The following GOLGA2 variants were observed in gnomAD, a reference collection of about 807,000 sequenced individuals.
GOLGA2 encodes golgin A2, also known as golgin subfamily A member 2.
A neutral mutation model predicts 148.8 loss-of-function variants in GOLGA2; 49 were observed. The observed-to-expected ratio is 0.33, with a 90% CI of 0.26 to 0.42. GOLGA2 has a LOEUF of 0.42. Among genes scored for constraint, GOLGA2 ranks in the 10% least tolerant of loss-of-function variants. GOLGA2 has a pLI of 1.00. For synonymous variants in GOLGA2, 501 were observed against 511.8 expected, an observed-to-expected ratio of 0.98 and a Z score of 0.28; for missense variants, 1,178 against 1,304.6, an observed-to-expected ratio of 0.90 and a Z score of 1.49.
rs543326473 is a variant in GOLGA2 at position 128,258,073 on chromosome 9, C to T, written c.2415G>A (p.Glu805=). Residue 805 remains glutamate (E), a synonymous_variant, in exon 23 of 27, where the codon GAG becomes GAA. Transcript: ENST00000611957. This position sits in a 1 kb window ranked among gnomAD's most constrained non-coding sequence, Gnocchi z 6.6. ...LAHLLASAQK[E]PEAAAPAPGT... is the part of the protein sequence containing the mutation. ...CTGGGGCTGGGGCTGCTGCCTCAGG[C>T]TCCTTCTGGGCCGAGGCCAGCAGGT... 1 of 1,611,258 alleles carries T rather than the reference C, an allele frequency of 6.2e-7. No individual in the cohort carries two copies. The highest frequency in any genetic ancestry group is 1.1e-5 in the South Asian group (1 of 91,034).
At chr9:128,270,195 G>A (rs1381907231) in intron 3 of GOLGA2, among the ~76,000 whole-genome samples, 2 of 149,002 alleles carry the variant, frequency 1.3e-5, no homozygotes, top group Non-Finnish European at 3.0e-5. Flanking sequence ...GTGTAGTGGC[G>A]AGATCTCCAC....
chr9:128,275,981 G>T lies in GOLGA2; in HGVS notation c.-5C>A. 6.3e-7 allele frequency: 1 copy of T among 1,599,192 alleles called. No homozygotes were observed. Among genetic ancestry groups the T allele is most frequent in the Non-Finnish European group, 8.5e-7 (1 of 1,171,936 alleles). ...GAGGCGGGGTTGGGGCCACATCAGCGCGATCCCGGCAACCACTGCGGAAGT... is the reference window on the plus strand; with the variant it reads ...GAGGCGGGGTTGGGGCCACATCAGCTCGATCCCGGCAACCACTGCGGAAGT... On this transcript the variant is annotated 5_prime_UTR_variant, in exon 1 of 27. Coordinates refer to ENST00000611957, the MANE Select transcript of GOLGA2 (RefSeq NM_001366244.2).
At chr9:128,268,958 C>T (rs1320957797) in intron 3 of GOLGA2, among the ~76,000 whole-genome samples, 2 of 152,148 alleles carry the variant, frequency 1.3e-5, no homozygotes, top group Admixed American at 6.5e-5. Context: ...GTTGTCTGGG[C>T]AATGCACAAT....
In GOLGA2 at chr9:128,259,152, C is replaced by T. The variant is rs373294606; in HGVS notation, c.2097+15G>A. The stretch of plus-strand genomic sequence containing the variant: ...GTTGTCCCCCTCGGGGCCCTGCCCT[C>T]ACCAACTCCCTCACCTGGGTTTCCT... On this transcript the variant is annotated intron_variant, in intron 20 of 26. Coordinates refer to ENST00000611957, the MANE Select transcript of GOLGA2 (RefSeq NM_001366244.2). The T allele has an allele frequency of 1.0e-4, 167 of 1,604,094 alleles. No individual in the cohort carries two copies. In the African/African-American group the frequency reaches 2.1e-3, roughly 20 times the overall value.
At position 128,272,385 on chromosome 9, in the gene GOLGA2, G is replaced by C. The variant is rs1039056394; in HGVS notation, c.288+400C>G. ...TGTAATCCCAGCTACTCAGGAGGCTGAGGCAGGAGAAACACTTGAACCCAG... is the reference window on the plus strand; with the variant it reads ...TGTAATCCCAGCTACTCAGGAGGCTCAGGCAGGAGAAACACTTGAACCCAG... On this transcript the variant is annotated intron_variant, in intron 3 of 26. Transcript: ENST00000611957. Among the ~76,000 whole-genome samples the C allele has an allele frequency of 4.0e-5, 6 of 151,868 alleles. No individual in the cohort carries two copies. The South Asian group carries it at 1.2e-3, about 31-fold the overall frequency.
chr9:128,256,007 G>A lies in GOLGA2; in HGVS notation c.*1060C>T, dbSNP rs1829836991. ...ATGTGCCAGCTCCAACCTCTGCTAG[G>A]TATGATACAGGGGGCGGCCCTACCC... On this transcript the variant is annotated 3_prime_UTR_variant, in exon 27 of 27. Coordinates refer to ENST00000611957, the MANE Select transcript of GOLGA2 (RefSeq NM_001366244.2). 6.6e-6 allele frequency: 1 copy of A among 152,652 alleles called. No homozygotes were observed. The highest frequency in any genetic ancestry group is 6.5e-5 in the Admixed American group (1 of 15,280). The allele number at this position is 152,652 out of a possible 1,614,324, so 9.5% of individuals were successfully genotyped here.
At chr9:128,268,196 T>G (rs755567525) in intron 4 of GOLGA2, 36 bp from the exon 5 acceptor site, 3 of 1,584,106 alleles carry the variant, frequency 1.9e-6, no homozygotes, top group Non-Finnish European at 2.6e-6. Flanking sequence ...GGTCATTCAA[T>G]TTCTGGTAAG....
Position 128,260,016 on chromosome 9 carries a change from C to G in GOLGA2, c.1872+60G>C. 8.2e-7 allele frequency: 1 copy of G among 1,223,638 alleles called. No homozygotes were observed. The highest frequency in any genetic ancestry group is 1.2e-6 in the Non-Finnish European group (1 of 835,536). 75.8% of individuals were successfully genotyped at this position (1,223,638 alleles called of 1,614,324 possible). On this transcript the variant is annotated intron_variant, in intron 19 of 26. Transcript: ENST00000611957. This position sits in a 1 kb window ranked among gnomAD's most constrained non-coding sequence, Gnocchi z 4.8. Reference sequence around the variant, plus strand: ...GGCTGGAGCTGCCTCTGGCCTCACACCACCCCTCCCCAGAGGCTGGTGCCC... The same window carrying G: ...GGCTGGAGCTGCCTCTGGCCTCACAGCACCCCTCCCCAGAGGCTGGTGCCC...
chr9:128,259,306 T>A lies in GOLGA2; in HGVS notation c.1958A>T (p.Tyr653Phe). The A allele has an allele frequency of 6.2e-7, 1 of 1,611,584 alleles. No homozygotes were observed. The highest frequency in any genetic ancestry group is 8.5e-7 in the Non-Finnish European group (1 of 1,179,444). Residue 653 changes from tyrosine to phenylalanine, a missense_variant, in exon 20 of 27, where the codon TAT becomes TTT. Around this residue, in one of 5 missense-constraint regions of GOLGA2, gnomAD observed 529 missense variants for 521.8 expected, o/e 1.01. Transcript: ENST00000611957. ...CTCCTTCTCAGAGGTCAGCTGCTGA[T>A]AGGCGGCCACATACTGCTGCAGGTG... ...LGHLQQYVAA[Y>F]QQLTSEKEVL... is the part of the protein sequence containing the mutation.
In GOLGA2 at chr9:128,259,323, C is replaced by T. The variant is rs771357451; in HGVS notation, c.1941G>A (p.Gln647=). The T allele has an allele frequency of 1.2e-6, 2 of 1,610,244 alleles. No homozygotes were observed. The highest frequency in any genetic ancestry group is 1.1e-5 in the South Asian group (1 of 90,630). The change falls in exon 20 of 27, where the codon CAG becomes CAA. Residue 647 remains glutamine (Q), a synonymous_variant. Transcript: ENST00000611957. The part of the protein sequence containing the change: ...QQRDQYLGHL[Q]QYVAAYQQLT... ...GCTGCTGATAGGCGGCCACATACTG[C>T]TGCAGGTGTCCCAGGTACTGGTCTC...
intron 1 of GOLGA2, chr9:128,275,304 G>A (rs997601110): frequency 1.2e-6 from 1 of 825,144 alleles, no homozygotes; most frequent in Non-Finnish European, 1.7e-6. Flanking sequence ...TAAGATCAAA[G>A]ACTGGTCTCG....
rs1363891180 is a variant in GOLGA2 at position 128,259,338 on chromosome 9, G to A, written c.1926C>T (p.Tyr642=). The part of the protein sequence containing the change: ...AQSLQQQRDQ[Y]LGHLQQYVAA... ...CCACATACTGCTGCAGGTGTCCCAG[G>A]TACTGGTCTCGCTGCTGCTGCAGAC... Residue 642 remains tyrosine, a synonymous_variant, in exon 20 of 27, where the codon TAC becomes TAT. Coordinates refer to ENST00000611957, the MANE Select transcript of GOLGA2 (RefSeq NM_001366244.2). 2 of 1,608,638 alleles carry A rather than the reference G, an allele frequency of 1.2e-6. No homozygotes were observed. Among genetic ancestry groups the A allele is most frequent in the Non-Finnish European group, 8.5e-7 (1 of 1,178,138 alleles).
rs566112893 is a variant in GOLGA2 at position 128,262,033 on chromosome 9, G to A, written c.1135-276C>T. The stretch of plus-strand genomic sequence containing the variant: ...AACCTCGGCAACATGGCAAAGCCCC[G>A]TATCTACAAATACAAAAATTAGCCA... On this transcript the variant is annotated intron_variant, in intron 14 of 26. Transcript: ENST00000611957. The A allele has an allele frequency of 2.2e-4, 92 of 421,040 alleles. 2 individuals carry two copies. In the East Asian group the frequency reaches 3.5e-3, roughly 16 times the overall value. 26.1% of individuals were successfully genotyped at this position (421,040 alleles called of 1,614,324 possible).
Position 128,275,981 on chromosome 9 carries a change from G to A in GOLGA2, c.-5C>T, listed in dbSNP as rs781640307. Reference sequence around the variant, plus strand: ...GAGGCGGGGTTGGGGCCACATCAGCGCGATCCCGGCAACCACTGCGGAAGT... The same window carrying A: ...GAGGCGGGGTTGGGGCCACATCAGCACGATCCCGGCAACCACTGCGGAAGT... On this transcript the variant is annotated 5_prime_UTR_variant, in exon 1 of 27. Coordinates refer to ENST00000611957, the MANE Select transcript of GOLGA2 (RefSeq NM_001366244.2). The A allele has an allele frequency of 6.3e-7, 1 of 1,599,190 alleles. No individual in the cohort carries two copies. Among genetic ancestry groups the A allele is most frequent in the Non-Finnish European group, 8.5e-7 (1 of 1,171,936 alleles).
At chr9:128,272,052 A>AC (rs1316915152) in intron 3 of GOLGA2, among the ~76,000 whole-genome samples, 4 of 151,726 alleles carry the variant, frequency 2.6e-5, no homozygotes, top group East Asian at 1.9e-4. Context: ...AAAAAAAAAA[A>AC]AAAACACTAA....
chr9:128,263,083 CCTT>C lies in GOLGA2; in HGVS notation c.940_942del (p.Lys314del). On this transcript the variant is annotated inframe_deletion, in exon 13 of 27. Coordinates refer to ENST00000611957, the MANE Select transcript of GOLGA2 (RefSeq NM_001366244.2). ...AGGGCGTCTCTCTCTTTGGTTAACT[CCTT>C]GTTGTACTGTAAATACAGAAAGGTT... 1 of 1,606,288 alleles carries C rather than the reference CCTT, an allele frequency of 6.2e-7. No homozygotes were observed. The highest frequency in any genetic ancestry group is 1.1e-5 in the South Asian group (1 of 90,910).
rs200805737 is a variant in GOLGA2 at position 128,257,711 on chromosome 9, C to T, written c.2612-4G>A. 3.7e-6 allele frequency: 6 copies of T among 1,613,472 alleles called. No homozygotes were observed. Among genetic ancestry groups the T allele is most frequent in the Middle Eastern group, 1.7e-4 (1 of 6,060 alleles). ...TGGTACAGTGCAATGTACTCTCCTG[C>T]GGGAGGACAGGGCTCAGATGCTGGG... On this transcript the variant is annotated splice_region_variant and splice_polypyrimidine_tract_variant and intron_variant, in intron 24 of 26. Coordinates refer to ENST00000611957, the MANE Select transcript of GOLGA2 (RefSeq NM_001366244.2). The surrounding 1 kb of genome is among the most constrained non-coding windows in gnomAD (Gnocchi z 8.0).
chr9:128,272,060 T>C (rs1434428288), intron 3 of GOLGA2, among the ~76,000 whole-genome samples: 2 of 150,086 alleles, frequency 1.3e-5, no homozygotes, highest in Non-Finnish European at 3.0e-5. Flanking sequence ...AAAAAAACAC[T>C]AACTTCTAGG....
Position 128,266,837 on chromosome 9 carries a change from G to A in GOLGA2, c.642+357C>T. 2.5e-6 allele frequency: 1 copy of A among 398,618 alleles called. No homozygotes were observed. The highest frequency in any genetic ancestry group is 4.6e-6 in the Non-Finnish European group (1 of 218,046). 24.7% of individuals were successfully genotyped at this position (398,618 alleles called of 1,614,324 possible). A position where few individuals can be genotyped will look rare whatever the true frequency, so the allele number is the denominator to read the frequency against. ...CCTCAGGAAATGCAAGCCCAAGGAG[G>A]AGAGGTGGCTTGTCCCAAATCAAAG... is the stretch of plus-strand genomic sequence containing the variant. On this transcript the variant is annotated intron_variant, in intron 8 of 26. Transcript: ENST00000611957. This position sits in a 1 kb window ranked among gnomAD's most constrained non-coding sequence, Gnocchi z 4.2.
Sources: gnomAD v4.1 joint callset for allele counts (sites outside exome capture counted in the v4.1 genomes callset) on GRCh38, gnomAD v4.1.1 for gene constraint, gnomAD v4.1.1 regional missense constraint, Gnocchi (gnomAD v3.1) non-coding constraint, MANE v1.5 for transcripts, NCBI Gene and HGNC (gene_info 2026-07-23, HGNC 2026-07-21) for gene names.